The following UVRAG variants were observed in gnomAD, a reference collection of about 807,000 sequenced individuals.
UVRAG encodes UV radiation resistance-associated gene protein.
In UVRAG, 19 loss-of-function variants were observed where a neutral mutation model predicts 78.0. The observed-to-expected ratio is 0.24, with a 90% CI of 0.17 to 0.36. UVRAG has a LOEUF of 0.36. Ranked by LOEUF, UVRAG falls within the 10% of genes least tolerant of loss-of-function variation. UVRAG has a pLI of 1.00. For synonymous variants in UVRAG, 323 were observed against 324.6 expected, an observed-to-expected ratio of 1.00 and a Z score of 0.05; for missense variants, 740 against 853.8, an observed-to-expected ratio of 0.87 and a Z score of 1.66.
rs1467460808 is a variant in UVRAG, at chr11:76,004,069, G to T, written c.891G>T (p.Arg297Ser). The change falls in exon 9 of 15, where the codon AGG (arginine) becomes AGT (serine). Residue 297 changes from arginine (R) to serine (S), a missense_variant. Transcript: ENST00000356136. ...QLQKESLNEL[R>S]KECTAKRELF... ...AGAAGGAATCCCTAAATGAGCTGAGGAAGGAGTGCACTGCAAAAAGGTAAA... is the reference window on the plus strand; with the variant it reads ...AGAAGGAATCCCTAAATGAGCTGAGTAAGGAGTGCACTGCAAAAAGGTAAA... 6.2e-7 allele frequency: 1 copy of T among 1,613,806 alleles called. No individual in the cohort carries two copies. The highest frequency in any genetic ancestry group is 1.3e-5 in the African/African-American group (1 of 74,922).
chr11:76,085,775 C>T lies in UVRAG; in HGVS notation c.1305+19987C>T, dbSNP rs17134527. Among the ~76,000 whole-genome samples, 1,423 of 152,264 alleles carry T rather than the reference C, an allele frequency of 9.3e-3. 24 individuals carry two copies. Among genetic ancestry groups the T allele is most frequent in the African/African-American group, 0.032 (1,343 of 41,546 alleles). ...TCACATTACTTATGTCAGTGGAAGG[C>T]ACATTTAGCATTTTTCAGCATTAGG... On this transcript the variant is annotated intron_variant, in intron 13 of 14. Coordinates refer to ENST00000356136, the MANE Select transcript of UVRAG (RefSeq NM_003369.4).
intron 3 of UVRAG, among the ~76,000 whole-genome samples, chr11:75,862,412 T>C (rs572087213): frequency 1.5e-3 from 226 of 152,358 alleles, no homozygotes; most frequent in Non-Finnish European, 2.6e-3. Flanking sequence ...TATTAGGCTG[T>C]GTTGAAAACA....
At chr11:76,124,025 A>C (rs1952339117) in intron 14 of UVRAG, among the ~76,000 whole-genome samples, 2 of 152,192 alleles carry the variant, frequency 1.3e-5, no homozygotes, top group Non-Finnish European at 2.9e-5. Flanking sequence ...CGGCCTCCCA[A>C]AGTGCTGGGA....
chr11:76,073,534 G>T (rs1041695537), intron 13 of UVRAG, among the ~76,000 whole-genome samples: 1 of 151,942 alleles, frequency 6.6e-6, no homozygotes, highest in Non-Finnish European at 1.5e-5. Context: ...TGATAAGATT[G>T]GTAGTGATAA....
chr11:75,818,510 G>T (rs1945314723), intron 1 of UVRAG, among the ~76,000 whole-genome samples: 1 of 149,058 alleles, frequency 6.7e-6, no homozygotes, highest in African/African-American at 2.5e-5. Flanking sequence ...ATGGAGTCTA[G>T]CTCTGTTGCC....
intron 6 of UVRAG, among the ~76,000 whole-genome samples, chr11:75,915,546 A>T (rs1947831065): frequency 1.3e-5 from 2 of 152,216 alleles, no homozygotes; most frequent in African/African-American, 4.8e-5. Flanking sequence ...GGTGCTCACC[A>T]CAAGGTGTCA....
chr11:75,954,970 G>C (rs1209971186), intron 6 of UVRAG, among the ~76,000 whole-genome samples: 1 of 152,164 alleles, frequency 6.6e-6, no homozygotes, highest in Non-Finnish European at 1.5e-5. Context: ...AGAACTTGTA[G>C]GCACATAGAA....
At chr11:76,107,957 G>A (rs1952000292) in intron 13 of UVRAG, among the ~76,000 whole-genome samples, 1 of 151,900 alleles carries the variant, frequency 6.6e-6, no homozygotes, top group African/African-American at 2.4e-5. Context: ...TTTTCATTTC[G>A]TATTTTCGGT....
At chr11:76,137,672 G>A in intron 14 of UVRAG, 1 of 354,676 alleles carries the variant, frequency 2.8e-6, no homozygotes. Flanking sequence ...GCCAAGGCAA[G>A]AGGATCACTT....
intron 12 of UVRAG, among the ~76,000 whole-genome samples, chr11:76,041,135 A>T (rs1411652374): frequency 6.6e-6 from 1 of 152,252 alleles, no homozygotes; most frequent in Non-Finnish European, 1.5e-5. Flanking sequence ...TTAAAAAATT[A>T]TCAAAGGGTA....
At chr11:76,115,672 G>A (rs145477871) in intron 13 of UVRAG, among the ~76,000 whole-genome samples, 56 of 152,240 alleles carry the variant, frequency 3.7e-4, no homozygotes, top group African/African-American at 1.3e-3. Flanking sequence ...AGTTTAGGGG[G>A]CAAGAGAACA....
intron 7 of UVRAG, among the ~76,000 whole-genome samples, chr11:75,974,519 A>G (rs1291035836): frequency 6.6e-6 from 1 of 150,972 alleles, no homozygotes; most frequent in Non-Finnish European, 1.5e-5. Flanking sequence ...GGCACCCGCC[A>G]CCGCGCCCGG....
chr11:76,140,585 TA>T, intron 14 of UVRAG, 125 bp from the exon 15 acceptor site: 1 of 989,874 alleles, frequency 1.0e-6, no homozygotes. Context: ...AACTATTGTC[TA>T]AGATTGATTC....
intron 9 of UVRAG, among the ~76,000 whole-genome samples, 200 bp from the exon 10 acceptor site, chr11:76,007,334 C>CAGT (rs1463439098): frequency 6.6e-6 from 1 of 152,120 alleles, no homozygotes; most frequent in Non-Finnish European, 1.5e-5. Context: ...CAGTAGCACT[C>CAGT]AGTATATAGT....
chr11:75,870,934 A>T (rs1034530335), intron 3 of UVRAG, among the ~76,000 whole-genome samples: 2 of 151,706 alleles, frequency 1.3e-5, no homozygotes, highest in Non-Finnish European at 2.9e-5. Flanking sequence ...CAATGGCGCG[A>T]TCCCGGCTCA....
At chr11:75,995,268 A>G (rs902574449) in intron 8 of UVRAG, among the ~76,000 whole-genome samples, 29 of 151,624 alleles carry the variant, frequency 1.9e-4, no homozygotes, top group Admixed American at 8.6e-4. Flanking sequence ...ATGACCTATT[A>G]GAATTCTGTA....
intron 1 of UVRAG, among the ~76,000 whole-genome samples, chr11:75,831,858 C>T (rs1178915257): frequency 6.6e-6 from 1 of 152,182 alleles, no homozygotes; most frequent in Non-Finnish European, 1.5e-5. Context: ...TTAGCCTAGC[C>T]TGTGTTCTCA....
intron 2 of UVRAG, among the ~76,000 whole-genome samples, chr11:75,860,727 A>T (rs1443970855): frequency 2.0e-5 from 3 of 152,148 alleles, no homozygotes; most frequent in Non-Finnish European, 4.4e-5. Flanking sequence ...TTTGTATGTA[A>T]CAATTTGGCA....
intron 6 of UVRAG, among the ~76,000 whole-genome samples, chr11:75,926,186 G>A (rs1326343239): frequency 1.3e-5 from 2 of 152,216 alleles, no homozygotes; most frequent in South Asian, 2.1e-4. Flanking sequence ...GTGCCTCCCC[G>A]TGGAGGAGGT....
Sources: allele counts gnomAD v4.1 joint callset (sites outside exome capture counted in the v4.1 genomes callset), GRCh38; gene constraint gnomAD v4.1.1; transcripts MANE v1.5; gene names NCBI Gene and HGNC (gene_info 2026-07-23, HGNC 2026-07-21).